The following DLC1 variants were observed in gnomAD, a reference collection of about 807,000 sequenced individuals.
DLC1 encodes DLC1 Rho GTPase activating protein.
Under a neutral mutation model 140.3 loss-of-function variants are expected in DLC1, and 54 were observed. The ratio of observed to expected loss-of-function variants is 0.38; its 90% CI spans 0.31 to 0.48. The LOEUF is 0.48. Ranked by LOEUF, DLC1 falls within the 20% of genes least tolerant of loss-of-function variation. The pLI, the probability that DLC1 is intolerant of heterozygous loss-of-function variation, is 0.96. For synonymous variants in DLC1, 986 were observed against 728.1 expected, an observed-to-expected ratio of 1.35 and a Z score of -5.70; for missense variants, 2,536 against 1,907.0, an observed-to-expected ratio of 1.33 and a Z score of -6.14.
intron 5 of DLC1, among the ~76,000 whole-genome samples, chr8:13,154,207 G>A (rs1027240541): frequency 3.9e-5 from 6 of 152,230 alleles, no homozygotes; most frequent in African/African-American, 1.4e-4. Context: ...GGCCGCACCA[G>A]GTGCTTGCGC....
intron 5 of DLC1, among the ~76,000 whole-genome samples, chr8:13,230,161 CTT>C (rs1241805643): frequency 3.3e-5 from 5 of 152,156 alleles, no homozygotes; most frequent in Non-Finnish European, 7.4e-5. Context: ...TAAGAAAGGA[CTT>C]TGATGTTTTC....
At chr8:13,562,862 C>T (rs1277002461) in intron 1 of DLC1, among the ~76,000 whole-genome samples, 1 of 150,524 alleles carries the variant, frequency 6.6e-6, no homozygotes, top group Non-Finnish European at 1.5e-5. Context: ...AGAATGATGT[C>T]TATATGCTGT....
intron 5 of DLC1, among the ~76,000 whole-genome samples, chr8:13,173,686 T>C (rs1383832330): frequency 6.6e-6 from 1 of 152,190 alleles, no homozygotes; most frequent in Admixed American, 6.5e-5. Flanking sequence ...GCTCCCTTTT[T>C]TCCGCTACTA....
chr8:13,358,245 C>T (rs918778668), intron 4 of DLC1, among the ~76,000 whole-genome samples: 1 of 152,152 alleles, frequency 6.6e-6, no homozygotes, highest in Admixed American at 6.5e-5. Flanking sequence ...CCTACAAACA[C>T]GCATAAAAAT....
chr8:13,557,311 G>C (rs1033049365), intron 1 of DLC1, among the ~76,000 whole-genome samples: 1 of 152,154 alleles, frequency 6.6e-6, no homozygotes, highest in African/African-American at 2.4e-5. Flanking sequence ...CATGGAACAC[G>C]TGAGGGCCAG....
In DLC1 at chr8:13,377,152, A is replaced by G. The variant is rs1361705319; in HGVS notation, c.1314+16401T>C. On this transcript the variant is annotated intron_variant, in intron 4 of 17. Transcript: ENST00000276297. ...GGCTAAAGGTATCCACTCAGTTGTG[A>G]ATTCTCAAGTCCAAGGGCAGCATCT... 2.6e-5 allele frequency among the ~76,000 whole-genome samples: 4 copies of G among 152,180 alleles called. No individual in the cohort carries two copies. In the East Asian group the frequency reaches 7.7e-4, roughly 29 times the overall value.
At chr8:13,293,590 G>A (rs760840272) in intron 5 of DLC1, among the ~76,000 whole-genome samples, 26 of 152,186 alleles carry the variant, frequency 1.7e-4, no homozygotes, top group Non-Finnish European at 2.6e-4. Context: ...CACATGGCAT[G>A]CGGGGTGACA....
At chr8:13,546,644 T>C (rs1023515464) in intron 1 of DLC1, among the ~76,000 whole-genome samples, 1 of 152,158 alleles carries the variant, frequency 6.6e-6, no homozygotes, top group Admixed American at 6.6e-5. Flanking sequence ...TCTGCTCTCT[T>C]GGACCTTTTA....
intron 2 of DLC1, among the ~76,000 whole-genome samples, chr8:13,446,094 C>T (rs747891189): frequency 2.6e-5 from 4 of 152,120 alleles, no homozygotes; most frequent in East Asian, 3.9e-4. Flanking sequence ...ATATCAATTA[C>T]GTTTCAGAAA....
At chr8:13,562,062 C>G (rs1343626977) in intron 1 of DLC1, among the ~76,000 whole-genome samples, 3 of 152,106 alleles carry the variant, frequency 2.0e-5, no homozygotes, top group Non-Finnish European at 4.4e-5. Context: ...ACAGGGGATT[C>G]TGCACCTTGA....
intron 5 of DLC1, among the ~76,000 whole-genome samples, chr8:13,200,994 G>A (rs904614521): frequency 6.6e-6 from 1 of 152,158 alleles, no homozygotes; most frequent in African/African-American, 2.4e-5. Context: ...CACAAAAAAT[G>A]GAGTTGATTC....
intron 5 of DLC1, among the ~76,000 whole-genome samples, chr8:13,303,421 AAT>A (rs1286384092): frequency 6.6e-6 from 1 of 152,236 alleles, no homozygotes; most frequent in Non-Finnish European, 1.5e-5. Flanking sequence ...TCATTAAAAA[AAT>A]TGTTGTTCTT....
intron 5 of DLC1, among the ~76,000 whole-genome samples, chr8:13,228,834 A>G (rs549243688): frequency 1.3e-5 from 2 of 152,360 alleles, no homozygotes; most frequent in East Asian, 3.9e-4. Flanking sequence ...AAGATGCTCA[A>G]CATCATCAGC....
intron 5 of DLC1, among the ~76,000 whole-genome samples, chr8:13,210,141 G>T (rs1188308): frequency 6.6e-6 from 1 of 151,898 alleles, no homozygotes; most frequent in African/African-American, 2.4e-5. Flanking sequence ...GAAAAAATTG[G>T]AAACTTGTTG....
At chr8:13,188,650 G>T (rs1826531031) in intron 5 of DLC1, among the ~76,000 whole-genome samples, 1 of 138,516 alleles carries the variant, frequency 7.2e-6, no homozygotes, top group Non-Finnish European at 1.5e-5. Flanking sequence ...TGTAGCCCAG[G>T]CTGAAGTGCA....
chr8:13,202,176 C>T (rs1427807479), intron 5 of DLC1, among the ~76,000 whole-genome samples: 1 of 152,028 alleles, frequency 6.6e-6, no homozygotes, highest in Non-Finnish European at 1.5e-5. Context: ...GATCTCTTGA[C>T]CTCGTGATCC....
chr8:13,467,453 C>CTTTTT (rs10671511), intron 2 of DLC1, among the ~76,000 whole-genome samples: 2 of 149,532 alleles, frequency 1.3e-5, no homozygotes, highest in Non-Finnish European at 3.0e-5. Context: ...TCTTATATTC[C>CTTTTT]TTTTTTTTTC....
chr8:13,566,979 C>G (rs930128355), intron 1 of DLC1: 41 of 1,534,926 alleles, frequency 2.7e-5, no homozygotes, highest in Non-Finnish European at 3.4e-5. Flanking sequence ...GGAGCCGAGC[C>G]TGATGCATTG....
intron 2 of DLC1, among the ~76,000 whole-genome samples, chr8:13,416,886 CT>C (rs556002483): frequency 5.4e-4 from 81 of 149,762 alleles, no homozygotes; most frequent in Non-Finnish European, 7.9e-4. Flanking sequence ...TGAGAAAAAA[CT>C]TTTTTTTTTC....
Sources: gnomAD v4.1 joint callset for allele counts (sites outside exome capture counted in the v4.1 genomes callset) on GRCh38, gnomAD v4.1.1 for gene constraint, MANE v1.5 for transcripts, NCBI Gene and HGNC (gene_info 2026-07-23, HGNC 2026-07-21) for gene names.